RHOBTB1: variants seen among roughly 807,000 people sequenced by gnomAD.
The protein encoded by RHOBTB1 is Rho related BTB domain containing 1, also known as rho-related BTB domain-containing protein 1.
RHOBTB1 carries 40 observed loss-of-function variants against 71.6 expected under a neutral mutation model. The observed-to-expected ratio is 0.56, with a 90% CI of 0.43 to 0.73. RHOBTB1 has a LOEUF of 0.73. Among genes scored for constraint, RHOBTB1 ranks in the 30% least tolerant of loss-of-function variants. The probability of loss-of-function intolerance (pLI) is 0.00; values close to 1 mark genes in which losing one functional copy is unlikely to be tolerated. For synonymous variants in RHOBTB1, 319 were observed against 334.9 expected, an observed-to-expected ratio of 0.95 and a Z score of 0.52; for missense variants, 797 against 894.0, an observed-to-expected ratio of 0.89 and a Z score of 1.38.
chr10:60,932,653 A>T (rs2133999047), intron 2 of RHOBTB1, among the ~76,000 whole-genome samples: 1 of 152,254 alleles, frequency 6.6e-6, no homozygotes, highest in Non-Finnish European at 1.5e-5. Context: ...AATATTGGTC[A>T]AGTCTTTAGA....
intron 2 of RHOBTB1, among the ~76,000 whole-genome samples, chr10:60,982,492 T>C (rs1171162997): frequency 6.6e-6 from 1 of 152,198 alleles, no homozygotes; most frequent in African/African-American, 2.4e-5. Context: ...ACCATTGATT[T>C]TGTTGGCCAG....
chr10:60,999,256 A>T (rs1352701886), intron 1 of RHOBTB1, among the ~76,000 whole-genome samples: 2 of 149,382 alleles, frequency 1.3e-5, no homozygotes, highest in African/African-American at 5.0e-5. Context: ...AAGGAAATGA[A>T]AAGAAAAGTC....
At position 60,972,378 on chromosome 10, in the gene RHOBTB1, T is replaced by C. The variant is rs536958247; in HGVS notation, c.-62+13467A>G. Among the ~76,000 whole-genome samples the C allele has an allele frequency of 4.2e-3, 646 of 152,106 alleles. 1 individual carries two copies. Among genetic ancestry groups the C allele is most frequent in the Non-Finnish European group, 7.1e-3 (483 of 67,952 alleles). ...GCCATAAAAAGGATGAGTTCCTGTC[T>C]TTTGCAGGGACATGGATGAAGCTGG... is the stretch of plus-strand genomic sequence containing the variant. On this transcript the variant is annotated intron_variant, in intron 2 of 11. Transcript: ENST00000357917.
chr10:60,966,386 G>A (rs1355579071), intron 2 of RHOBTB1, among the ~76,000 whole-genome samples: 1 of 151,654 alleles, frequency 6.6e-6, no homozygotes, highest in Non-Finnish European at 1.5e-5. Context: ...AAGACAGTTG[G>A]AGGCCAGGGG....
chr10:60,935,993 ATAAT>A (rs2134075822), intron 2 of RHOBTB1, among the ~76,000 whole-genome samples: 1 of 152,342 alleles, frequency 6.6e-6, no homozygotes, highest in East Asian at 1.9e-4. Context: ...ATCTAAGAAA[ATAAT>A]TTAACAGTGT....
intron 1 of RHOBTB1, among the ~76,000 whole-genome samples, chr10:61,000,856 G>T (rs761493842): frequency 6.6e-6 from 1 of 152,062 alleles, no homozygotes; most frequent in Non-Finnish European, 1.5e-5. Flanking sequence ...TTACAGCCCG[G>T]GGCTTTCACG....
intron 2 of RHOBTB1, among the ~76,000 whole-genome samples, chr10:60,935,447 A>AT (rs911257865): frequency 1.5e-3 from 231 of 151,574 alleles, no homozygotes; most frequent in African/African-American, 5.4e-3. Context: ...TATACTGATA[A>AT]TTTTTTTTTA....
intron 4 of RHOBTB1, among the ~76,000 whole-genome samples, chr10:60,895,079 G>T (rs1478157462): frequency 1.3e-5 from 2 of 152,192 alleles, no homozygotes; most frequent in Non-Finnish European, 2.9e-5. Context: ...TGTGATGATA[G>T]TAGCACAATG....
chr10:60,927,973 C>G (rs1395703228), intron 2 of RHOBTB1, among the ~76,000 whole-genome samples: 2 of 151,500 alleles, frequency 1.3e-5, no homozygotes, highest in Non-Finnish European at 3.0e-5. Flanking sequence ...GCAGCTCAAA[C>G]AACTCAACAG....
Position 60,889,059 on chromosome 10 carries a change from T to G in RHOBTB1, c.609A>C (p.Ala203=). The change falls in exon 6 of 11, where the codon GCA becomes GCC. Residue 203 remains alanine, a synonymous_variant. Transcript: ENST00000337910. ...QFGIKDVFDN[A]IRAALISRRH... ...TGCGGGAAATCAGCGCTGCTCGGAT[T>G]GCATTGTCAAACACATCCTTGATAC... The G allele has an allele frequency of 6.2e-7, 1 of 1,614,182 alleles. No individual in the cohort carries two copies. Among genetic ancestry groups the G allele is most frequent in the Non-Finnish European group, 8.5e-7 (1 of 1,180,022 alleles).
At chr10:60,899,261 G>A (rs1044466696) in intron 4 of RHOBTB1, among the ~76,000 whole-genome samples, 1 of 152,206 alleles carries the variant, frequency 6.6e-6, no homozygotes, top group African/African-American at 2.4e-5. Context: ...AACGAATGCA[G>A]GAGGCACTGA....
rs1189395288 is a variant in RHOBTB1 at position 60,980,142 on chromosome 10, GT to G, written c.-62+5702del. Among the ~76,000 whole-genome samples the G allele has an allele frequency of 5.9e-5, 9 of 152,316 alleles. No homozygotes were observed. In the East Asian group the frequency reaches 1.7e-3, roughly 29 times the overall value. ...GGCAAGGGTGGAAGCAAAGTGATCA[GT>G]TAAATTCATTAAAATTAATAGTTCA... On this transcript the variant is annotated intron_variant, in intron 2 of 11. Coordinates refer to the RHOBTB1 transcript ENST00000357917.
At chr10:60,982,280 CCTGA>C (rs2086522509) in intron 2 of RHOBTB1, among the ~76,000 whole-genome samples, 1 of 152,080 alleles carries the variant, frequency 6.6e-6, no homozygotes, top group South Asian at 2.1e-4. Flanking sequence ...AGCAGATAGG[CCTGA>C]CTAACTGTAC....
At chr10:60,960,356 A>T (rs1278028180) in intron 2 of RHOBTB1, among the ~76,000 whole-genome samples, 1 of 152,228 alleles carries the variant, frequency 6.6e-6, no homozygotes, top group East Asian at 1.9e-4. Context: ...TAGTATGTTT[A>T]CGTAAGTAAC....
At chr10:60,947,700 G>T (rs1565110795), upstream of RHOBTB1, among the ~76,000 whole-genome samples, 1 of 152,040 alleles carries the variant, frequency 6.6e-6, no homozygotes, top group Non-Finnish European at 1.5e-5. Flanking sequence ...TTGCATGGAT[G>T]TATCAGAGTT....
rs76481471 is a variant in RHOBTB1, at chr10:60,997,848, A to C, written c.-163+3551T>G. On this transcript the variant is annotated intron_variant, in intron 1 of 11. Coordinates refer to the RHOBTB1 transcript ENST00000357917. ...CTCTTTTGAATTTCTGAAAGAAAGC[A>C]TCATTGTCCAAAGCTCCTTACTGCT... Among the ~76,000 whole-genome samples the C allele has an allele frequency of 3.9e-5, 6 of 152,344 alleles. No individual in the cohort carries two copies. The East Asian group carries it at 1.2e-3, about 29-fold the overall frequency.
downstream of RHOBTB1, among the ~76,000 whole-genome samples, chr10:60,866,283 G>C (rs933432817): frequency 1.3e-5 from 2 of 152,220 alleles, no homozygotes. Context: ...CAGCCCTGGA[G>C]AGCCATGGAC....
chr10:60,913,513 A>G (rs140018545), intron 2 of RHOBTB1, among the ~76,000 whole-genome samples: 221 of 152,318 alleles, frequency 1.5e-3, no homozygotes, highest in African/African-American at 5.2e-3. Flanking sequence ...TTTCTTAGTT[A>G]CCCATCTAAC....
intron 7 of RHOBTB1, among the ~76,000 whole-genome samples, chr10:60,880,695 C>A (rs964925179): frequency 2.6e-5 from 4 of 152,164 alleles, no homozygotes; most frequent in African/African-American, 7.2e-5. Context: ...AGCTGTTGTG[C>A]ATGCTAGATC....
Sources: allele counts gnomAD v4.1 joint callset (sites outside exome capture counted in the v4.1 genomes callset), GRCh38; gene constraint gnomAD v4.1.1; transcripts MANE v1.5; gene names NCBI Gene and HGNC (gene_info 2026-07-23, HGNC 2026-07-21).